Variants in TRAF3 observed in about 807,000 individuals in gnomAD.
TRAF3 encodes the protein TNF receptor-associated factor 3.
In TRAF3, 13 loss-of-function variants were observed where a neutral mutation model predicts 62.3. That is an observed-to-expected ratio of 0.21 (90% confidence interval 0.14 to 0.33). TRAF3 has a LOEUF of 0.33. TRAF3 is among the 10% of genes least tolerant of loss of function. The probability of loss-of-function intolerance (pLI) is 1.00; values close to 1 mark genes in which losing one functional copy is unlikely to be tolerated. For missense variants in TRAF3, 440 were observed against 741.8 expected (o/e 0.59, Z 4.73); for synonymous variants, 269 against 283.4 (o/e 0.95, Z 0.51).
intron 1 of TRAF3, among the ~76,000 whole-genome samples, chr14:102,786,758 G>A (rs976163253): frequency 6.6e-6 from 1 of 152,166 alleles, no homozygotes; most frequent in African/African-American, 2.4e-5. Flanking sequence ...GATGAGGCGG[G>A]GGGATCGCTT....
intron 9 of TRAF3, among the ~76,000 whole-genome samples, chr14:102,891,823 G>A (rs1190902449): frequency 2.6e-5 from 4 of 152,032 alleles, no homozygotes; most frequent in African/African-American, 9.7e-5. Flanking sequence ...GGACTGTACC[G>A]CTTGAGATAC....
At chr14:102,902,286 A>G (rs1445583421) in intron 10 of TRAF3, among the ~76,000 whole-genome samples, 1 of 152,236 alleles carries the variant, frequency 6.6e-6, no homozygotes, top group Non-Finnish European at 1.5e-5. Context: ...CTGCGTCTGC[A>G]GCATCGGCCC....
At chr14:102,870,475 G>T in intron 3 of TRAF3, 29 bp downstream of exon 3, 1 of 1,610,148 alleles carries the variant, frequency 6.2e-7, no homozygotes. Flanking sequence ...CCCGTCGCCC[G>T]GCCCCTTCTC....
intron 2 of TRAF3, among the ~76,000 whole-genome samples, chr14:102,831,349 G>A (rs1213664331): frequency 1.3e-5 from 2 of 152,216 alleles, no homozygotes; most frequent in Non-Finnish European, 2.9e-5. Flanking sequence ...ACATAACAAG[G>A]TGACTTCTGT....
intron 2 of TRAF3, among the ~76,000 whole-genome samples, chr14:102,869,777 G>T (rs1433099570): frequency 2.0e-5 from 3 of 150,772 alleles, no homozygotes; most frequent in Admixed American, 6.6e-5. Context: ...CTGCACTCCA[G>T]CCTGGGCAAC....
intron 1 of TRAF3, among the ~76,000 whole-genome samples, chr14:102,791,617 T>A (rs1381518370): frequency 1.3e-5 from 2 of 152,218 alleles, no homozygotes; most frequent in Non-Finnish European, 2.9e-5. Context: ...CAGAATCATG[T>A]CACCTGCATA....
In TRAF3 at chr14:102,870,408, G is replaced by T. The variant is rs771145880; in HGVS notation, c.207G>T (p.Gly69=). 4.3e-6 allele frequency: 7 copies of T among 1,613,984 alleles called. No homozygotes were observed. In the African/African-American group the frequency reaches 9.3e-5, roughly 22 times the overall value. ...GCAGCCCGAAGCAGACCGAGTGTGG[G>T]CACCGCTTCTGCGAGAGCTGCATGG... ...VLCSPKQTEC[G]HRFCESCMAA... Residue 69 remains glycine, a synonymous_variant, in exon 3 of 12, where the codon GGG becomes GGT. Coordinates refer to ENST00000392745, the MANE Select transcript of TRAF3 (RefSeq NM_145725.3).
At chr14:102,838,428 G>A (rs1886158846) in intron 2 of TRAF3, among the ~76,000 whole-genome samples, 1 of 152,206 alleles carries the variant, frequency 6.6e-6, no homozygotes, top group African/African-American at 2.4e-5. Context: ...GGGAGAGTTA[G>A]AGAAAAGATG....
chr14:102,898,436 A>G (rs1037549984), intron 10 of TRAF3, among the ~76,000 whole-genome samples: 2 of 152,228 alleles, frequency 1.3e-5, no homozygotes, highest in Non-Finnish European at 2.9e-5. Context: ...GGGCCCAGTG[A>G]TGTGTCAGTC....
intron 2 of TRAF3, among the ~76,000 whole-genome samples, chr14:102,857,131 A>G (rs1458076980): frequency 6.6e-6 from 1 of 151,974 alleles, no homozygotes; most frequent in Non-Finnish European, 1.5e-5. Context: ...TTGCTAGCCG[A>G]CTCCAGTATG....
At chr14:102,817,369 T>C (rs1042776767) in intron 1 of TRAF3, among the ~76,000 whole-genome samples, 1 of 152,078 alleles carries the variant, frequency 6.6e-6, no homozygotes, top group African/African-American at 2.4e-5. Context: ...TGTTAACAGC[T>C]TCTTGAAAGA....
At chr14:102,857,942 C>T (rs922021198) in intron 2 of TRAF3, among the ~76,000 whole-genome samples, 18 of 152,176 alleles carry the variant, frequency 1.2e-4, no homozygotes, top group South Asian at 4.1e-4. Context: ...ATTTTGTTCA[C>T]AGGAGTATAC....
chr14:102,859,987 A>G (rs755457217), intron 2 of TRAF3, among the ~76,000 whole-genome samples: 3 of 152,200 alleles, frequency 2.0e-5, no homozygotes, highest in Non-Finnish European at 2.9e-5. Flanking sequence ...GCTACAGAAC[A>G]CAACAGTGCA....
intron 1 of TRAF3, among the ~76,000 whole-genome samples, chr14:102,782,900 A>AC: frequency 6.6e-6 from 1 of 152,272 alleles, no homozygotes; most frequent in African/African-American, 2.4e-5. Flanking sequence ...AAATTGATTA[A>AC]CCAAGTGGGG....
rs752921541 is a variant in TRAF3 at position 102,903,188 on chromosome 14, T to C, written c.961-67T>C. On this transcript the variant is annotated intron_variant, in intron 10 of 11. Coordinates refer to ENST00000392745, the MANE Select transcript of TRAF3 (RefSeq NM_145725.3). The surrounding 1 kb of genome is among the most constrained non-coding windows in gnomAD (Gnocchi z 6.4). ...CTGCTCCTAGCCTGTCTGTATTTGA[T>C]GGAAGGTGGTGCAGCATTTTCCGAG... is the stretch of plus-strand genomic sequence containing the variant. The C allele has an allele frequency of 6.2e-7, 1 of 1,607,028 alleles. No individual in the cohort carries two copies. The highest frequency in any genetic ancestry group is 1.1e-5 in the South Asian group (1 of 90,666).
chr14:102,882,528 C>T (rs918120451), intron 6 of TRAF3, among the ~76,000 whole-genome samples: 1 of 151,542 alleles, frequency 6.6e-6, no homozygotes, highest in African/African-American at 2.4e-5. Flanking sequence ...CCTAGGCCAC[C>T]TCTCTTTTCA....
intron 2 of TRAF3, among the ~76,000 whole-genome samples, chr14:102,850,120 A>C (rs922559610): frequency 4.6e-5 from 7 of 152,234 alleles, no homozygotes; most frequent in Admixed American, 3.9e-4. Flanking sequence ...ACTGGGGAAC[A>C]TAAAACAAAT....
chr14:102,809,051 A>G (rs1898951948), intron 1 of TRAF3: 1 of 152,112 alleles, frequency 6.6e-6, no homozygotes, highest in Non-Finnish European at 1.5e-5. Flanking sequence ...CAGTGGCGCG[A>G]TCCCTGCTTA....
intron 6 of TRAF3, among the ~76,000 whole-genome samples, chr14:102,885,152 G>A (rs566680562): frequency 2.7e-4 from 41 of 152,272 alleles, no homozygotes; most frequent in African/African-American, 7.5e-4. Flanking sequence ...GAAACATGCC[G>A]AGGAAAGCAA....
Sources: gnomAD v4.1 joint callset for allele counts (sites outside exome capture counted in the v4.1 genomes callset) on GRCh38, gnomAD v4.1.1 for gene constraint, Gnocchi (gnomAD v3.1) non-coding constraint, MANE v1.5 for transcripts, NCBI Gene and HGNC (gene_info 2026-07-23, HGNC 2026-07-21) for gene names.